ADGRV1: variants seen among roughly 807,000 people sequenced by gnomAD.
ADGRV1 encodes the protein G-protein coupled receptor 98.
In ADGRV1, 359 loss-of-function variants were observed where a neutral mutation model predicts 596.2. The ratio of observed to expected loss-of-function variants is 0.60; its 90% CI spans 0.55 to 0.66. The LOEUF (loss-of-function observed/expected upper bound fraction) is 0.66, where lower values mean the gene tolerates loss of function less well. Ranked by LOEUF, ADGRV1 falls within the 30% of genes least tolerant of loss-of-function variation. The pLI is 0.00. For missense variants in ADGRV1, 7,274 were observed against 7,575.6 expected, an observed-to-expected ratio of 0.96 and a Z score of 1.48; for synonymous variants, 2,681 against 2,679.2, an observed-to-expected ratio of 1.00 and a Z score of -0.02.
chr5:90,752,623 A>G (rs1428752197), intron 53 of ADGRV1, among the ~76,000 whole-genome samples: 1 of 152,254 alleles, frequency 6.6e-6, no homozygotes, highest in Admixed American at 6.5e-5. Flanking sequence ...CCTGCAAAAG[A>G]CATGATCTCA....
chr5:90,784,096 G>A (rs1449884373), intron 67 of ADGRV1, 39 bp downstream of exon 67: 2 of 1,336,272 alleles, frequency 1.5e-6, no homozygotes, highest in East Asian at 2.4e-5. Context: ...TATAATTTTT[G>A]ATAGACTGAG....
chr5:90,658,091 A>G lies in ADGRV1; in HGVS notation c.4565A>G (p.Asn1522Ser). Residue 1522 changes from asparagine (N) to serine (S), a missense_variant, in exon 21 of 90, where the codon AAC becomes AGC. Asn to Ser is a conservative substitution (Grantham distance 46). Around this residue, in one of 5 missense-constraint regions of ADGRV1, gnomAD observed 3,643 missense variants for 3,809.2 expected, o/e 0.96. Coordinates refer to ENST00000405460, the MANE Select transcript of ADGRV1 (RefSeq NM_032119.4). ...GYLEFRQGET[N>S]KSFIISARDD... ...CTGGAGTTCAGACAGGGAGAAACTA[A>G]CAAATCATTCATTATTTCTGCAAGA... 6.2e-7 allele frequency: 1 copy of G among 1,613,944 alleles called. No individual in the cohort carries two copies.
intron 85 of ADGRV1, among the ~76,000 whole-genome samples, chr5:90,987,469 CAAAAAA>C (rs11442398): frequency 1.1e-5 from 1 of 94,976 alleles, no homozygotes; most frequent in African/African-American, 3.7e-5. Context: ...GACTCTGACT[CAAAAAA>C]AAAAAAAAAA....
chr5:91,003,235 G>A (rs1392044910), intron 85 of ADGRV1, among the ~76,000 whole-genome samples: 2 of 152,158 alleles, frequency 1.3e-5, no homozygotes, highest in Non-Finnish European at 2.9e-5. Flanking sequence ...CTTTTTAGTG[G>A]ATAGAAATCC....
intron 85 of ADGRV1, among the ~76,000 whole-genome samples, chr5:91,026,740 G>T (rs1287681144): frequency 2.0e-5 from 3 of 152,106 alleles, no homozygotes; most frequent in Non-Finnish European, 4.4e-5. Flanking sequence ...CAGTTAAAAT[G>T]TGTAAGAAAT....
At position 90,689,948 on chromosome 5, in the gene ADGRV1, T is replaced by A. The variant is rs201999622; in HGVS notation, c.6578T>A (p.Ile2193Asn). 6.2e-7 allele frequency: 1 copy of A among 1,612,746 alleles called. No homozygotes were observed. The highest frequency in any genetic ancestry group is 8.5e-7 in the Non-Finnish European group (1 of 1,179,254). ...KAVPIYVIND[I>N]YPELEESFLV... ...GTGCCAATATATGTCATTAATGATA[T>A]CTATCCTGAACTGGAAGAATCTTTT... The change falls in exon 30 of 90, where the codon ATC (isoleucine) becomes AAC (asparagine). Residue 2193 changes from isoleucine to asparagine, a missense_variant. Physicochemically the swap from Ile to Asn is moderately radical, Grantham distance 149. Transcript: ENST00000405460.
At chr5:90,902,382 C>A (rs745628455) in intron 83 of ADGRV1, among the ~76,000 whole-genome samples, 5 of 152,230 alleles carry the variant, frequency 3.3e-5, no homozygotes, top group Admixed American at 6.5e-5. Flanking sequence ...AACCAAAGAC[C>A]AGACTATTTC....
chr5:91,030,109 T>A (rs538507168), intron 85 of ADGRV1, among the ~76,000 whole-genome samples: 1,572 of 152,234 alleles, frequency 0.01, 26 homozygotes, highest in African/African-American at 0.036. Flanking sequence ...TCTCTTCTGT[T>A]CCATTTGATT....
Position 90,889,550 on chromosome 5 carries a change from T to G in ADGRV1, c.17856+25693T>G, listed in dbSNP as rs1581428540. ...TAGTCTGTTACAGTAAGAGGGAAACTTCTGGTGAATCTTTCATCTACAACA... is the reference window on the plus strand; with the variant it reads ...TAGTCTGTTACAGTAAGAGGGAAACGTCTGGTGAATCTTTCATCTACAACA... On this transcript the variant is annotated intron_variant, in intron 83 of 89. Transcript: ENST00000405460. Among the ~76,000 whole-genome samples the G allele has an allele frequency of 2.6e-5, 4 of 152,242 alleles. 1 individual carries two copies. The highest frequency in any genetic ancestry group is 2.6e-4 in the Admixed American group (4 of 15,274).
intron 76 of ADGRV1, 108 bp from the exon 77 acceptor site, chr5:90,828,836 A>G: frequency 1.7e-6 from 1 of 595,388 alleles, no homozygotes; most frequent in Non-Finnish European, 2.5e-6. Flanking sequence ...TTATATATTT[A>G]TTTCTCTAAA....
intron 86 of ADGRV1, among the ~76,000 whole-genome samples, chr5:91,076,619 A>G (rs567611417): frequency 1.2e-4 from 19 of 152,332 alleles, no homozygotes; most frequent in Non-Finnish European, 2.1e-4. Flanking sequence ...TAGAAATTAA[A>G]TGACTTAATT....
At chr5:90,945,261 CT>C in intron 83 of ADGRV1, among the ~76,000 whole-genome samples, 1 of 151,192 alleles carries the variant, frequency 6.6e-6, no homozygotes, top group African/African-American at 2.4e-5. Context: ...TTGTTCTTCT[CT>C]GTTCTCTTTA....
Position 90,790,853 on chromosome 5 carries a change from G to T in ADGRV1, c.14044-20G>T, listed in dbSNP as rs924749119. 4.6e-6 allele frequency: 7 copies of T among 1,522,962 alleles called. No individual in the cohort carries two copies. The highest frequency in any genetic ancestry group is 6.2e-6 in the Non-Finnish European group (7 of 1,121,884). 94.3% of individuals were successfully genotyped at this position (1,522,962 alleles called of 1,614,324 possible). ...ATACTGAATTATATAACTTTGTTGA[G>T]TTTTTTTCTTTTATTTTAGGTTTAC... On this transcript the variant is annotated intron_variant, in intron 69 of 89. Transcript: ENST00000405460.
At chr5:90,606,959 G>T (rs957434907) in intron 1 of ADGRV1, among the ~76,000 whole-genome samples, 14 of 152,102 alleles carry the variant, frequency 9.2e-5, no homozygotes, top group African/African-American at 3.4e-4. Flanking sequence ...AAAGTTTTAG[G>T]TCTTTTATAT....
At chr5:90,690,520 A>G (rs936315321) in intron 30 of ADGRV1, among the ~76,000 whole-genome samples, 3 of 152,278 alleles carry the variant, frequency 2.0e-5, no homozygotes, top group African/African-American at 4.8e-5. Flanking sequence ...GCACTGTGCA[A>G]TCAGCTTCTG....
chr5:90,767,664 C>G (rs935730124), intron 59 of ADGRV1, among the ~76,000 whole-genome samples: 3 of 148,654 alleles, frequency 2.0e-5, no homozygotes, highest in African/African-American at 7.7e-5. Context: ...TTTACATGGT[C>G]CATGTCTTAC....
At chr5:90,797,845 A>G (rs1265880055) in intron 70 of ADGRV1, among the ~76,000 whole-genome samples, 1 of 152,212 alleles carries the variant, frequency 6.6e-6, no homozygotes, top group Non-Finnish European at 1.5e-5. Context: ...AAATAACAAA[A>G]TGAAGGCAGA....
intron 6 of ADGRV1, 102 bp downstream of exon 6, chr5:90,625,345 A>T: frequency 3.1e-6 from 2 of 647,134 alleles, no homozygotes; most frequent in Non-Finnish European, 2.8e-6. Context: ...CTCAGCTATA[A>T]ATAGCTGACT....
intron 87 of ADGRV1, among the ~76,000 whole-genome samples, chr5:91,133,870 G>A (rs1156553632): frequency 6.6e-6 from 1 of 152,046 alleles, no homozygotes; most frequent in Non-Finnish European, 1.5e-5. Flanking sequence ...TCATTAATTA[G>A]GCAATAACTG....
Sources: gnomAD v4.1 joint callset for allele counts (sites outside exome capture counted in the v4.1 genomes callset) on GRCh38, gnomAD v4.1.1 for gene constraint, gnomAD v4.1.1 regional missense constraint, MANE v1.5 for transcripts, NCBI Gene and HGNC (gene_info 2026-07-23, HGNC 2026-07-21) for gene names.